Variants in TGM1 observed in about 807,000 individuals in gnomAD.
The protein encoded by TGM1 is transglutaminase 1.
TGM1 carries 63 observed loss-of-function variants against 88.7 expected under a neutral mutation model. The ratio of observed to expected loss-of-function variants is 0.71; its 90% CI spans 0.58 to 0.88. The LOEUF (loss-of-function observed/expected upper bound fraction) is 0.88, where lower values mean the gene tolerates loss of function less well. TGM1 is among the 40% of genes least tolerant of loss of function. The pLI is 0.00. For synonymous variants in TGM1, 415 were observed against 431.1 expected, an observed-to-expected ratio of 0.96 and a Z score of 0.46; for missense variants, 996 against 1,118.0, an observed-to-expected ratio of 0.89 and a Z score of 1.56.
At chr14:24,260,319 C>G in intron 4 of TGM1, 131 bp downstream of exon 4, 1 of 1,453,284 alleles carries the variant, frequency 6.9e-7, no homozygotes, top group Non-Finnish European at 9.4e-7. Flanking sequence ...CCTCGGTCCT[C>G]TCATCTGCCC....
intron 7 of TGM1, 49 bp from the exon 8 acceptor site, chr14:24,258,722 G>A (rs1156450055): frequency 1.2e-6 from 2 of 1,609,030 alleles, no homozygotes; most frequent in Admixed American, 1.7e-5. Flanking sequence ...GGGGGCAAGT[G>A]AGGCATCGTG....
chr14:24,254,774 C>A lies in TGM1; in HGVS notation c.1978G>T (p.Val660Leu). 7 of 1,614,010 alleles carry A rather than the reference C, an allele frequency of 4.3e-6. No individual in the cohort carries two copies. Among genetic ancestry groups the A allele is most frequent in the Non-Finnish European group, 5.9e-6 (7 of 1,180,024 alleles). Reference protein sequence around the residue: ...VAYKEYRPHLVDQGAMLLNVS... With the variant: ...VAYKEYRPHLLDQGAMLLNVS... Reference sequence around the variant, plus strand: ...TTGAGCAGCATGGCCCCCTGGTCCACAAGATGGGGCCGGTATTCCTTGTAG... The same window carrying A: ...TTGAGCAGCATGGCCCCCTGGTCCAAAAGATGGGGCCGGTATTCCTTGTAG... Residue 660 changes from valine (V) to leucine (L), a missense_variant, in exon 13 of 15, where the codon GTG becomes TTG. Physicochemically the swap from Val to Leu is conservative, Grantham distance 32. Transcript: ENST00000206765.
In TGM1 at chr14:24,249,275, G is replaced by C; in HGVS notation, c.*38C>G. On this transcript the variant is annotated 3_prime_UTR_variant, in exon 15 of 15. Coordinates refer to ENST00000206765, the MANE Select transcript of TGM1 (RefSeq NM_000359.3). Reference sequence around the variant, plus strand: ...GCCCCTATCTTGGGGCAATGTCCTTGCTCATCTGACTCCAGTCCCATTGCT... The same window carrying C: ...GCCCCTATCTTGGGGCAATGTCCTTCCTCATCTGACTCCAGTCCCATTGCT... The C allele has an allele frequency of 6.3e-7, 1 of 1,589,432 alleles. No homozygotes were observed. The highest frequency in any genetic ancestry group is 1.1e-5 in the South Asian group (1 of 90,524).
Position 24,261,789 on chromosome 14 carries a change from CTCG to C in TGM1, c.411_413del (p.Asp137del), listed in dbSNP as rs1384668942. 1 of 1,614,120 alleles carries C rather than the reference CTCG, an allele frequency of 6.2e-7. No individual in the cohort carries two copies. Among genetic ancestry groups the C allele is most frequent in the South Asian group, 1.1e-5 (1 of 91,074 alleles). ...AAGGCTGCCCGCGGCGCACTATCAG[CTCG>C]TCGTACTCATACTCGTCTGTGTGGT... On this transcript the variant is annotated inframe_deletion, in exon 3 of 15. Transcript: ENST00000206765.
intron 13 of TGM1, 102 bp from the exon 14 acceptor site, chr14:24,254,390 TC>T (rs999271847): frequency 4.8e-5 from 74 of 1,539,912 alleles, no homozygotes; most frequent in African/African-American, 1.9e-4. Flanking sequence ...AAGCAAAACC[TC>T]CCCGAGTCCC....
chr14:24,251,784 C>T (rs1266181239), intron 14 of TGM1, among the ~76,000 whole-genome samples: 3 of 152,190 alleles, frequency 2.0e-5, no homozygotes, highest in South Asian at 2.1e-4. Flanking sequence ...CAGCATGCCT[C>T]GGTTCTGATG....
At chr14:24,252,875 G>C (rs1050512537) in intron 14 of TGM1, among the ~76,000 whole-genome samples, 14 of 152,212 alleles carry the variant, frequency 9.2e-5, no homozygotes, top group African/African-American at 3.4e-4. Context: ...GCTCTGGCCT[G>C]CTCTGCTTTC....
Position 24,259,037 on chromosome 14 carries a change from T to G in TGM1, c.1159+38A>C. 6.2e-7 allele frequency: 1 copy of G among 1,611,892 alleles called. No homozygotes were observed. Among genetic ancestry groups the G allele is most frequent in the East Asian group, 2.2e-5 (1 of 44,864 alleles). ...GCCTGGCTTTCCTCCCTTCTCCCTG[T>G]AGGGCCCGGGCCACTCCTGTCCCAG... On this transcript the variant is annotated intron_variant, in intron 7 of 14. Coordinates refer to ENST00000206765, the MANE Select transcript of TGM1 (RefSeq NM_000359.3). This position sits in a 1 kb window ranked among gnomAD's most constrained non-coding sequence, Gnocchi z 5.7.
chr14:24,256,548 T>C (rs942918740), intron 9 of TGM1, among the ~76,000 whole-genome samples: 1 of 152,182 alleles, frequency 6.6e-6, no homozygotes, highest in Non-Finnish European at 1.5e-5. Flanking sequence ...GCCACCACCA[T>C]TCCAGAGAGA....
At chr14:24,261,665 T>G (rs781110706) in intron 3 of TGM1, 30 bp downstream of exon 3, 1 of 1,613,706 alleles carries the variant, frequency 6.2e-7, no homozygotes, top group Non-Finnish European at 8.5e-7. Flanking sequence ...ACATAGGGCC[T>G]TCACCCGTCC....
chr14:24,256,393 T>C (rs2855108), intron 9 of TGM1, among the ~76,000 whole-genome samples: 7 of 152,172 alleles, frequency 4.6e-5, no homozygotes, highest in Admixed American at 6.5e-5. Flanking sequence ...GATAACCAAG[T>C]CCCTGACATA....
rs770553130 is a variant in TGM1, at chr14:24,254,304, G to A, written c.2089-16C>T. ...CTCCCAGTAACTGAGAGAAAAAGAGGCCCATCCCCCACGTCAGAGACCCTG... is the reference window on the plus strand; with the variant it reads ...CTCCCAGTAACTGAGAGAAAAAGAGACCCATCCCCCACGTCAGAGACCCTG... On this transcript the variant is annotated splice_polypyrimidine_tract_variant and intron_variant, in intron 13 of 14. Coordinates refer to ENST00000206765, the MANE Select transcript of TGM1 (RefSeq NM_000359.3). 2 of 1,613,922 alleles carry A rather than the reference G, an allele frequency of 1.2e-6. No individual in the cohort carries two copies. Among genetic ancestry groups the A allele is most frequent in the Admixed American group, 3.3e-5 (2 of 60,016 alleles).
chr14:24,254,438 A>G (rs2040727006), intron 13 of TGM1, 150 bp from the exon 14 acceptor site: 1 of 1,346,900 alleles, frequency 7.4e-7, no homozygotes. Flanking sequence ...CCCAGAAGTC[A>G]GAGAAGAAAC....
Position 24,260,494 on chromosome 14 carries a change from T to C in TGM1, c.713A>G (p.Asp238Gly). 3 of 1,613,488 alleles carry C rather than the reference T, an allele frequency of 1.9e-6. No individual in the cohort carries two copies. The South Asian group carries it at 3.3e-5, about 18-fold the overall frequency. ...GAGGATGTAGATCTCATTGCGGGGG[T>C]CAAAGGGCAACTGGAACTCCCCAGC... ...SDAGEFQLPF[D>G]PRNEIYILFN... Residue 238 changes from aspartate (D) to glycine (G), a missense_variant, in exon 4 of 15, where the codon GAC (aspartate) becomes GGC (glycine). By Grantham distance (94) the Asp-to-Gly change is moderately conservative. Coordinates refer to ENST00000206765, the MANE Select transcript of TGM1 (RefSeq NM_000359.3).
In TGM1 at chr14:24,259,088, G is replaced by T. The variant is rs1126432; in HGVS notation, c.1146C>A (p.Gly382=). Residue 382 remains glycine (G), a synonymous_variant, in exon 7 of 15, where the codon GGC becomes GGA. Transcript: ENST00000206765. This position sits in a 1 kb window ranked among gnomAD's most constrained non-coding sequence, Gnocchi z 5.7. ...VPYGQCWVFA[G]VTTTVLRCLG... ...TCCCTCCACTACCTGTGGTGGTCAC[G>T]CCAGCAAAGACCCAGCACTGGCCAT... is the stretch of plus-strand genomic sequence containing the variant. 0.19 allele frequency: 303,392 copies of T among 1,613,700 alleles called. 29,490 individuals are homozygous for T. Among genetic ancestry groups the T allele is most frequent in the Non-Finnish European group, 0.2 (236,821 of 1,179,822 alleles).
At chr14:24,254,129 G>A (rs1418216654) in intron 14 of TGM1, 23 bp downstream of exon 14, 1 of 1,603,024 alleles carries the variant, frequency 6.2e-7, no homozygotes, top group Admixed American at 1.7e-5. Flanking sequence ...GGAAGCAGGG[G>A]TAGGGGGAGA....
intron 1 of TGM1, among the ~76,000 whole-genome samples, chr14:24,262,742 C>T (rs1276208635): frequency 6.6e-6 from 1 of 152,238 alleles, no homozygotes; most frequent in Non-Finnish European, 1.5e-5. Context: ...CACCTGCTAG[C>T]TCTGCAGTCT....
At chr14:24,254,391 C>G (rs1290477289) in intron 13 of TGM1, 103 bp from the exon 14 acceptor site, 1 of 1,541,870 alleles carries the variant, frequency 6.5e-7, no homozygotes. Flanking sequence ...AGCAAAACCT[C>G]CCCGAGTCCC....
chr14:24,253,189 C>A (rs2040715473), intron 14 of TGM1, among the ~76,000 whole-genome samples: 1 of 152,206 alleles, frequency 6.6e-6, no homozygotes. Flanking sequence ...TGAGATGTGA[C>A]CGCCAGCTTC....
Sources: allele counts gnomAD v4.1 joint callset (sites outside exome capture counted in the v4.1 genomes callset), GRCh38; gene constraint gnomAD v4.1.1; non-coding constraint Gnocchi (gnomAD v3.1); transcripts MANE v1.5; gene names NCBI Gene and HGNC (gene_info 2026-07-23, HGNC 2026-07-21).